The following ARHGAP17 variants were observed in gnomAD, a reference collection of about 807,000 sequenced individuals.
The protein encoded by ARHGAP17 is Rho GTPase activating protein 17.
In ARHGAP17, 57 loss-of-function variants were observed where a neutral mutation model predicts 99.5. The ratio of observed to expected loss-of-function variants is 0.57; its 90% CI spans 0.46 to 0.71. The LOEUF (loss-of-function observed/expected upper bound fraction) is 0.71. ARHGAP17 is among the 30% of genes least tolerant of loss of function. The pLI is 0.00. For missense variants in ARHGAP17, 1,000 were observed against 1,122.4 expected (o/e 0.89, Z 1.56); for synonymous variants, 417 against 429.6 (o/e 0.97, Z 0.36).
At position 24,954,689 on chromosome 16, in the gene ARHGAP17, C is replaced by T. The variant is rs1407732292; in HGVS notation, c.766G>A (p.Glu256Lys). The change falls in exon 10 of 20, where the codon GAA (glutamate) becomes AAA (lysine). Residue 256 changes from glutamate (E) to lysine (K), a missense_variant. By Grantham distance (56) the Glu-to-Lys change is moderately conservative. This residue lies in a region of ARHGAP17 where 472 missense variants were observed against 611.1 expected (regional missense o/e 0.77). Coordinates refer to ENST00000289968, the MANE Select transcript of ARHGAP17 (RefSeq NM_001006634.3). Reference protein sequence around the residue: ...EKPAFGTPLEEHLKRSGREIA... With the variant: ...EKPAFGTPLEKHLKRSGREIA... The stretch of plus-strand genomic sequence containing the variant: ...TCGCGCCCGCTCCTCTTCAGGTGTT[C>T]TTCTAGGGGAGTCCCAAAGGCTGGT... 1.9e-6 allele frequency: 3 copies of T among 1,613,916 alleles called. No individual in the cohort carries two copies. Among genetic ancestry groups the T allele is most frequent in the Non-Finnish European group, 1.7e-6 (2 of 1,179,974 alleles).
At chr16:24,950,849 A>G (rs1263457772) in intron 12 of ARHGAP17, among the ~76,000 whole-genome samples, 2 of 151,280 alleles carry the variant, frequency 1.3e-5, no homozygotes, top group Non-Finnish European at 2.9e-5. Flanking sequence ...AAAAAAAAAA[A>G]AAAAAAAAAG....
At chr16:24,924,012 A>G (rs1256669372) in intron 19 of ARHGAP17, among the ~76,000 whole-genome samples, 5 of 152,210 alleles carry the variant, frequency 3.3e-5, no homozygotes, top group African/African-American at 1.2e-4. Context: ...CAAGAAGTCC[A>G]AGGTGATTCT....
chr16:24,959,829 TA>T (rs1555463650), intron 8 of ARHGAP17, 77 bp from the exon 9 acceptor site: 4 of 1,603,244 alleles, frequency 2.5e-6, no homozygotes, highest in Non-Finnish European at 3.4e-6. Context: ...TGAGCAAAAC[TA>T]AAAATGAAAT....
rs765753637 is a variant in ARHGAP17, at chr16:25,015,213, C to G, written c.49G>C (p.Gly17Arg). The G allele has an allele frequency of 3.7e-6, 5 of 1,341,892 alleles. No individual in the cohort carries two copies. In the African/African-American group the frequency reaches 7.7e-5, roughly 21 times the overall value. 83.1% of individuals were successfully genotyped at this position (1,341,892 alleles called of 1,614,324 possible). A position where few individuals can be genotyped will look rare whatever the true frequency, so the allele number is the denominator to read the frequency against. The change falls in exon 1 of 20, where the codon GGC (glycine) becomes CGC (arginine). Residue 17 changes from glycine to arginine, a missense_variant. Transcript: ENST00000289968. ...RMKQLANQTVGRAEKTEVLSE... is the reference protein window; with the variant it reads ...RMKQLANQTVRRAEKTEVLSE... ...CGTGCTGCCCGGCGCACTCGCCTGCCCACGGTCTGGTTAGCCAGCTGCTTC... is the reference window on the plus strand; with the variant it reads ...CGTGCTGCCCGGCGCACTCGCCTGCGCACGGTCTGGTTAGCCAGCTGCTTC...
chr16:24,998,608 A>G (rs111815695), intron 1 of ARHGAP17, among the ~76,000 whole-genome samples: 15 of 152,304 alleles, frequency 9.8e-5, no homozygotes, highest in African/African-American at 3.6e-4. Flanking sequence ...CACTCAGGAA[A>G]ACGGGACAGA....
At chr16:24,947,711 A>T (rs1348659916) in intron 13 of ARHGAP17, 116 bp from the exon 14 acceptor site, 1 of 779,000 alleles carries the variant, frequency 1.3e-6, no homozygotes, top group Non-Finnish European at 2.1e-6. Context: ...GAGGGTTCCT[A>T]AATCAGAATC....
intron 19 of ARHGAP17, among the ~76,000 whole-genome samples, chr16:24,921,925 G>A (rs981209337): frequency 3.9e-5 from 6 of 152,214 alleles, no homozygotes; most frequent in African/African-American, 1.2e-4. Context: ...AGAAGTCAAC[G>A]AAGGCAGGGA....
At chr16:24,986,675 TTTG>T (rs2052881492) in intron 1 of ARHGAP17, among the ~76,000 whole-genome samples, 1 of 152,222 alleles carries the variant, frequency 6.6e-6, no homozygotes, top group Admixed American at 6.5e-5. Flanking sequence ...GCTCAAAATA[TTTG>T]TTATCCAGCC....
intron 18 of ARHGAP17, among the ~76,000 whole-genome samples, chr16:24,932,540 GCCA>G (rs1222346011): frequency 6.6e-6 from 1 of 152,038 alleles, no homozygotes; most frequent in Non-Finnish European, 1.5e-5. Context: ...CTGATCCCAA[GCCA>G]CCTTCTCCTT....
intron 14 of ARHGAP17, among the ~76,000 whole-genome samples, chr16:24,946,529 C>T (rs899214731): frequency 3.3e-5 from 5 of 150,944 alleles, no homozygotes; most frequent in African/African-American, 1.2e-4. Flanking sequence ...GGGCAGAATA[C>T]GCTATCCCAA....
chr16:24,942,232 C>G, intron 15 of ARHGAP17, 89 bp from the exon 16 acceptor site: 1 of 1,334,472 alleles, frequency 7.5e-7, no homozygotes. Context: ...ACGGGAACCT[C>G]GTTCTTCAGT....
intron 16 of ARHGAP17, among the ~76,000 whole-genome samples, chr16:24,941,061 T>C (rs2051298770): frequency 6.6e-6 from 1 of 152,164 alleles, no homozygotes; most frequent in East Asian, 1.9e-4. Context: ...AGAGAGGTAA[T>C]ACGTCTGCAT....
At chr16:24,967,198 A>T (rs1369174800) in intron 6 of ARHGAP17, among the ~76,000 whole-genome samples, 1 of 152,250 alleles carries the variant, frequency 6.6e-6, no homozygotes, top group African/African-American at 2.4e-5. Context: ...ACCTTTTCTC[A>T]TCTCAACATT....
intron 1 of ARHGAP17, among the ~76,000 whole-genome samples, chr16:24,989,774 C>A (rs2052982119): frequency 6.6e-6 from 1 of 151,960 alleles, no homozygotes; most frequent in South Asian, 2.1e-4. Context: ...AGATATATAC[C>A]ACATGTTCTC....
intron 6 of ARHGAP17, among the ~76,000 whole-genome samples, chr16:24,964,837 G>A (rs548588067): frequency 2.7e-4 from 41 of 152,258 alleles, no homozygotes; most frequent in South Asian, 6.2e-4. Flanking sequence ...GGCTGGGTGC[G>A]GTGGCTCACG....
chr16:24,947,958 T>C (rs1014889605), intron 13 of ARHGAP17, among the ~76,000 whole-genome samples: 2 of 152,234 alleles, frequency 1.3e-5, no homozygotes, highest in African/African-American at 2.4e-5. Flanking sequence ...CACAGTTATA[T>C]TGCTTACAGG....
At chr16:25,006,636 T>A (rs938113061) in intron 1 of ARHGAP17, among the ~76,000 whole-genome samples, 1 of 152,110 alleles carries the variant, frequency 6.6e-6, no homozygotes, top group African/African-American at 2.4e-5. Context: ...ACCATAGGCG[T>A]TGCAGGCCAT....
Position 25,004,600 on chromosome 16 carries a change from T to TC in ARHGAP17, c.53+10608_53+10609insG, listed in dbSNP as rs2053457150. Among the ~76,000 whole-genome samples, 4 of 152,378 alleles carry TC rather than the reference T, an allele frequency of 2.6e-5. No homozygotes were observed. The South Asian group carries it at 8.3e-4, about 32-fold the overall frequency. ...CATTTATTTAAGATTTATATTCATT[T>TC]GAGCACCTGTTTACTTGGTCTGTGA... On this transcript the variant is annotated intron_variant, in intron 1 of 19. Coordinates refer to ENST00000289968, the MANE Select transcript of ARHGAP17 (RefSeq NM_001006634.3).
chr16:24,952,430 C>T, intron 11 of ARHGAP17, 60 bp from the exon 12 acceptor site: 1 of 1,368,150 alleles, frequency 7.3e-7, no homozygotes, highest in Non-Finnish European at 1.0e-6. Context: ...AATCTTGGGA[C>T]ATATTATTTT....
Sources: gnomAD v4.1 joint callset for allele counts (sites outside exome capture counted in the v4.1 genomes callset) on GRCh38, gnomAD v4.1.1 for gene constraint, gnomAD v4.1.1 regional missense constraint, MANE v1.5 for transcripts, NCBI Gene and HGNC (gene_info 2026-07-23, HGNC 2026-07-21) for gene names.